PARN: variants seen among roughly 807,000 people sequenced by gnomAD.
PARN encodes poly(A)-specific ribonuclease PARN.
In PARN, 71 loss-of-function variants were observed where a neutral mutation model predicts 102.8. That is an observed-to-expected ratio of 0.69 (90% confidence interval 0.57 to 0.84). PARN has a LOEUF of 0.84. Among genes scored for constraint, PARN ranks in the 40% least tolerant of loss-of-function variants. The pLI is 0.00. For missense variants in PARN, 782 were observed against 760.9 expected (o/e 1.03, Z -0.33); for synonymous variants, 261 against 252.9 (o/e 1.03, Z -0.30).
chr16:14,450,073 A>G (rs1961382670), intron 22 of PARN, among the ~76,000 whole-genome samples: 1 of 152,264 alleles, frequency 6.6e-6, no homozygotes, highest in South Asian at 2.1e-4. Flanking sequence ...TCTAAGCATA[A>G]AAAACTGGTT....
At chr16:14,484,260 C>T (rs1369534300) in intron 21 of PARN, among the ~76,000 whole-genome samples, 1 of 152,208 alleles carries the variant, frequency 6.6e-6, no homozygotes, top group Admixed American at 6.5e-5. Context: ...ATGCTGCCCC[C>T]TCTTCTGAGG....
chr16:14,538,454 A>C (rs1966708991), intron 21 of PARN, among the ~76,000 whole-genome samples: 2 of 151,912 alleles, frequency 1.3e-5, no homozygotes, highest in African/African-American at 4.8e-5. Flanking sequence ...TCCTGGCATC[A>C]AGTGATAACG....
chr16:14,523,052 GA>G (rs1466042444), intron 21 of PARN, among the ~76,000 whole-genome samples: 1 of 151,948 alleles, frequency 6.6e-6, no homozygotes, highest in Non-Finnish European at 1.5e-5. Flanking sequence ...GTAAAAGGAT[GA>G]AAAAGATGTA....
chr16:14,613,787 G>A (rs1047387871), intron 6 of PARN, among the ~76,000 whole-genome samples: 4 of 152,122 alleles, frequency 2.6e-5, no homozygotes, highest in African/African-American at 9.7e-5. Flanking sequence ...CACCAGTATT[G>A]GGACAAATGA....
At chr16:14,537,912 T>C (rs1445701504) in intron 21 of PARN, among the ~76,000 whole-genome samples, 1 of 152,214 alleles carries the variant, frequency 6.6e-6, no homozygotes, top group East Asian at 1.9e-4. Flanking sequence ...TAATTTATTA[T>C]ATATTTTCAA....
chr16:14,476,643 A>G lies in PARN; in HGVS notation c.1670+5995T>C, dbSNP rs540485888. On this transcript the variant is annotated intron_variant, in intron 22 of 23. Coordinates refer to ENST00000437198, the MANE Select transcript of PARN (RefSeq NM_002582.4). ...CAAAGAGTTCAAGACCAGCCTGGGT[A>G]ACATAGCGAGACCCCATCTCTATTA... is the stretch of plus-strand genomic sequence containing the variant. Among the ~76,000 whole-genome samples the G allele has an allele frequency of 3.9e-5, 6 of 152,322 alleles. No homozygotes were observed. In the East Asian group the frequency reaches 7.7e-4, roughly 20 times the overall value.
intron 5 of PARN, among the ~76,000 whole-genome samples, chr16:14,622,904 GA>G (rs1328296680): frequency 2.0e-5 from 3 of 152,062 alleles, no homozygotes; most frequent in Non-Finnish European, 4.4e-5. Context: ...AGGAGTTCAA[GA>G]CGAGCCAAGG....
chr16:14,569,773 G>C (rs1968674556), intron 18 of PARN, among the ~76,000 whole-genome samples: 2 of 152,136 alleles, frequency 1.3e-5, no homozygotes, highest in Admixed American at 6.5e-5. Flanking sequence ...CTGAGGGGAG[G>C]CAGAAGATAG....
intron 23 of PARN, among the ~76,000 whole-genome samples, chr16:14,438,977 G>A (rs1020466036): frequency 6.6e-6 from 1 of 152,184 alleles, no homozygotes; most frequent in African/African-American, 2.4e-5. Context: ...AAGAAGGTAT[G>A]GTTTTTAAAA....
At position 14,477,573 on chromosome 16, in the gene PARN, C is replaced by T. The variant is rs567848525; in HGVS notation, c.1670+5065G>A. ...CGGGTGGATCACGAGGTCAGGAGTT[C>T]GAGACCATCCTGGCCAACATGGTGA... On this transcript the variant is annotated intron_variant, in intron 22 of 23. Transcript: ENST00000437198. 1.8e-4 allele frequency among the ~76,000 whole-genome samples: 27 copies of T among 151,566 alleles called. No homozygotes were observed. In the South Asian group the frequency reaches 5.0e-3, roughly 28 times the overall value.
intron 21 of PARN, among the ~76,000 whole-genome samples, chr16:14,500,310 A>G (rs1268515444): frequency 6.6e-6 from 1 of 152,208 alleles, no homozygotes; most frequent in East Asian, 1.9e-4. Context: ...CTCCTGCCTC[A>G]GCCTCCCAAA....
At chr16:14,587,952 T>TA (rs1475157514) in intron 13 of PARN, among the ~76,000 whole-genome samples, 1 of 152,252 alleles carries the variant, frequency 6.6e-6, no homozygotes, top group African/African-American at 2.4e-5. Context: ...TGTGTTATGT[T>TA]ACGCACTTAC....
chr16:14,617,041 T>C (rs899266990), intron 6 of PARN, among the ~76,000 whole-genome samples: 1 of 151,392 alleles, frequency 6.6e-6, no homozygotes, highest in Non-Finnish European at 1.5e-5. Context: ...TCTATTCTGT[T>C]TAGCTCATGG....
chr16:14,436,647 G>A lies in PARN; in HGVS notation c.*70C>T. On this transcript the variant is annotated 3_prime_UTR_variant, in exon 24 of 24. Transcript: ENST00000437198. ...ATTTGATTAAGTTAAATACAGTGCG[G>A]CTTCCAAATGTGCCAGCCGGCTCTT... The A allele has an allele frequency of 1.8e-6, 2 of 1,141,170 alleles. No homozygotes were observed. The highest frequency in any genetic ancestry group is 2.6e-5 in the South Asian group (2 of 75,478). 70.7% of individuals were successfully genotyped at this position (1,141,170 alleles called of 1,614,324 possible). A position where few individuals can be genotyped will look rare whatever the true frequency, so the allele number is the denominator to read the frequency against.
chr16:14,577,247 T>C (rs1469470432), intron 18 of PARN, among the ~76,000 whole-genome samples: 2 of 152,184 alleles, frequency 1.3e-5, no homozygotes, highest in Non-Finnish European at 2.9e-5. Context: ...CTTGAGATAA[T>C]GTTGGGGGCA....
At chr16:14,590,588 T>A (rs1031682122) in intron 13 of PARN, among the ~76,000 whole-genome samples, 39 of 135,400 alleles carry the variant, frequency 2.9e-4, no homozygotes, top group African/African-American at 1.1e-3. Flanking sequence ...TGAGCAGAGA[T>A]CACACCACTG....
At chr16:14,572,625 A>C (rs1968878246) in intron 18 of PARN, among the ~76,000 whole-genome samples, 1 of 152,196 alleles carries the variant, frequency 6.6e-6, no homozygotes, top group South Asian at 2.1e-4. Flanking sequence ...TTTCAAAAAC[A>C]AAACTTTAAA....
chr16:14,501,777 C>CGAGT (rs1964634487), intron 21 of PARN: 1 of 152,258 alleles, frequency 6.6e-6, no homozygotes, highest in Non-Finnish European at 1.5e-5. Context: ...CAAGCACACT[C>CGAGT]TTTGGGGAAT....
intron 21 of PARN, among the ~76,000 whole-genome samples, chr16:14,496,397 T>G (rs1964320312): frequency 6.6e-6 from 1 of 151,502 alleles, no homozygotes; most frequent in African/African-American, 2.4e-5. Context: ...CAGATGGGAG[T>G]TTGGCAAAAA....
Sources: gnomAD v4.1 joint callset for allele counts (sites outside exome capture counted in the v4.1 genomes callset) on GRCh38, gnomAD v4.1.1 for gene constraint, MANE v1.5 for transcripts, NCBI Gene and HGNC (gene_info 2026-07-23, HGNC 2026-07-21) for gene names.